Variants in MIA2 observed in about 807,000 individuals in gnomAD.
MIA2 encodes MIA SH3 domain ER export factor 2, also known as melanoma inhibitory activity protein 2.
MIA2 carries 127 observed loss-of-function variants against 167.8 expected under a neutral mutation model. That is an observed-to-expected ratio of 0.76 (90% CI 0.66 to 0.88). MIA2 has a LOEUF of 0.88. MIA2 is among the 40% of genes least tolerant of loss of function. MIA2 has a pLI of 0.00. For synonymous variants in MIA2, 552 were observed against 541.9 expected, an observed-to-expected ratio of 1.02 and a Z score of -0.26; for missense variants, 1,690 against 1,624.7, an observed-to-expected ratio of 1.04 and a Z score of -0.69.
rs552564224 is a variant in MIA2, at chr14:39,339,357, A to G, written c.3656-6547A>G. ...TGTCTTATGGTGCTGATTGATAACT[A>G]CTTCTACTGTAGCTCAGGTTGGGAT... On this transcript the variant is annotated intron_variant, in intron 25 of 28. Coordinates refer to ENST00000640607, the MANE Select transcript of MIA2 (RefSeq NM_001329214.4). 7.2e-5 allele frequency among the ~76,000 whole-genome samples: 11 copies of G among 152,252 alleles called. No individual in the cohort carries two copies. The South Asian group carries it at 2.3e-3, about 32-fold the overall frequency.
intron 6 of MIA2, chr14:39,265,385 T>C: frequency 6.2e-7 from 1 of 1,608,312 alleles, no homozygotes; most frequent in South Asian, 1.1e-5. Flanking sequence ...TAACATGAGC[T>C]TTTCAAGAAA....
At chr14:39,304,445 G>A (rs2063010469) in intron 17 of MIA2, 64 bp downstream of exon 17, 5 of 850,692 alleles carry the variant, frequency 5.9e-6, no homozygotes, top group Non-Finnish European at 9.0e-6. Context: ...GGCAGAGAAT[G>A]GTAAAAATGA....
At chr14:39,321,205 C>A in intron 24 of MIA2, 149 bp downstream of exon 24, 1 of 699,010 alleles carries the variant, frequency 1.4e-6, no homozygotes, top group Non-Finnish European at 2.3e-6. Flanking sequence ...GGAAAAGGAG[C>A]TCTATGACAT....
At chr14:39,324,750 G>T (rs2067134964) in intron 24 of MIA2, among the ~76,000 whole-genome samples, 1 of 151,992 alleles carries the variant, frequency 6.6e-6, no homozygotes, top group South Asian at 2.1e-4. Flanking sequence ...GGGATTACAG[G>T]CACGTGCCAC....
At chr14:39,357,408 T>G (rs534041302) in intron 23 of MIA2, among the ~76,000 whole-genome samples, 11 of 152,252 alleles carry the variant, frequency 7.2e-5, no homozygotes, top group East Asian at 3.9e-4. Flanking sequence ...TTGCTTGGTA[T>G]ATCTTCCTCC....
intron 23 of MIA2, among the ~76,000 whole-genome samples, chr14:39,383,131 C>T (rs2139371357): frequency 6.6e-6 from 1 of 152,236 alleles, no homozygotes; most frequent in Middle Eastern, 3.4e-3. Context: ...CATTTTATTA[C>T]ACTTCATTGT....
rs141534575 is a variant in MIA2 at position 39,275,536 on chromosome 14, G to A, written c.1888-1398G>A. 4.5e-3 allele frequency among the ~76,000 whole-genome samples: 680 copies of A among 152,306 alleles called. 2 individuals carry two copies. Among genetic ancestry groups the A allele is most frequent in the Non-Finnish European group, 6.6e-3 (451 of 68,024 alleles). On this transcript the variant is annotated intron_variant, in intron 6 of 28. Coordinates refer to ENST00000640607, the MANE Select transcript of MIA2 (RefSeq NM_001329214.4). ...ATATTATTGTACTAAAGGTAATTAC[G>A]TGTTTGATCTGAGAGATGCTTTTGG...
intron 21 of MIA2, among the ~76,000 whole-genome samples, chr14:39,316,031 A>G (rs1484011819): frequency 6.6e-6 from 1 of 152,224 alleles, no homozygotes; most frequent in Non-Finnish European, 1.5e-5. Context: ...TTAGTTGTGG[A>G]CAAGCTACTT....
chr14:39,311,931 G>T (rs780059420), intron 18 of MIA2, among the ~76,000 whole-genome samples: 1 of 151,454 alleles, frequency 6.6e-6, no homozygotes, highest in Non-Finnish European at 1.5e-5. Context: ...CTGGGTTCAA[G>T]CAATTCTCCT....
chr14:39,272,561 C>T (rs1433465212), intron 6 of MIA2, among the ~76,000 whole-genome samples: 1 of 152,156 alleles, frequency 6.6e-6, no homozygotes, highest in Non-Finnish European at 1.5e-5. Flanking sequence ...TCTGCCTGGG[C>T]ATTTGGCTGC....
At chr14:39,299,392 C>T (rs551580629) in intron 13 of MIA2, among the ~76,000 whole-genome samples, 203 of 138,454 alleles carry the variant, frequency 1.5e-3, no homozygotes, top group Non-Finnish European at 2.4e-3. Flanking sequence ...ACTGCAACCT[C>T]TGCCTCCTGG....
chr14:39,385,271 T>G (rs1595972803), intron 23 of MIA2: 9 of 615,542 alleles, frequency 1.5e-5, no homozygotes, highest in Non-Finnish European at 2.3e-5. Context: ...GGTTGTTTCC[T>G]ATGCAGTAAA....
intron 25 of MIA2, among the ~76,000 whole-genome samples, chr14:39,335,214 T>C (rs192419940): frequency 1.3e-5 from 2 of 152,326 alleles, no homozygotes; most frequent in East Asian, 3.9e-4. Flanking sequence ...ATAATTGTCT[T>C]TAAGATTTTT....
intron 6 of MIA2, chr14:39,266,154 G>A: frequency 2.0e-6 from 2 of 985,384 alleles, no homozygotes; most frequent in Non-Finnish European, 2.4e-6. Flanking sequence ...GTTCTTTTGG[G>A]TGATTTGTTT....
chr14:39,368,601 A>AT (rs111672069), intron 23 of MIA2, among the ~76,000 whole-genome samples: 422 of 145,644 alleles, frequency 2.9e-3, no homozygotes, highest in African/African-American at 8.9e-3. Flanking sequence ...AATTCTGGGA[A>AT]TTTTTTTTTT....
intron 23 of MIA2, among the ~76,000 whole-genome samples, chr14:39,358,610 T>G (rs2074595225): frequency 6.6e-6 from 1 of 152,230 alleles, no homozygotes; most frequent in Non-Finnish European, 1.5e-5. Context: ...TGTGTTCCTT[T>G]GGAGGAGGAG....
At chr14:39,255,937 C>T (rs1431198283) in intron 6 of MIA2, among the ~76,000 whole-genome samples, 1 of 152,114 alleles carries the variant, frequency 6.6e-6, no homozygotes, top group Admixed American at 6.6e-5. Context: ...GGAAGGAGTT[C>T]CAGTTTGAAA....
rs1331891111 is a variant in MIA2 at position 39,234,216 on chromosome 14, C to G, written c.102C>G (p.Asp34Glu). The G allele has an allele frequency of 6.2e-7, 1 of 1,605,430 alleles. No homozygotes were observed. Among genetic ancestry groups the G allele is most frequent in the Admixed American group, 1.7e-5 (1 of 58,666 alleles). ...KLLADLKKCG[D>E]LECEALINRV... ...TGGCAGACCTTAAAAAATGTGGTGA[C>G]TTGGAATGTGAAGGTAAGTTTGCTT... Residue 34 changes from aspartate (D) to glutamate (E), a missense_variant, in exon 1 of 29, where the codon GAC becomes GAG. By Grantham distance (45) the Asp-to-Glu change is conservative. Transcript: ENST00000640607.
chr14:39,358,885 A>T (rs185877761), intron 23 of MIA2, among the ~76,000 whole-genome samples: 1 of 152,176 alleles, frequency 6.6e-6, no homozygotes, highest in African/African-American at 2.4e-5. Flanking sequence ...TGAACAGCCA[A>T]TGTTGCTGCC....
Sources: gnomAD v4.1 joint callset for allele counts (sites outside exome capture counted in the v4.1 genomes callset) on GRCh38, gnomAD v4.1.1 for gene constraint, MANE v1.5 for transcripts, NCBI Gene and HGNC (gene_info 2026-07-23, HGNC 2026-07-21) for gene names.